Variants in CORO2A observed in about 807,000 individuals in gnomAD.
The protein encoded by CORO2A is coronin-2A.
In CORO2A, 47 loss-of-function variants were observed where a neutral mutation model predicts 62.4. That is an observed-to-expected ratio of 0.75 (90% CI 0.60 to 0.96). CORO2A has a LOEUF of 0.96. Among genes scored for constraint, CORO2A ranks in the 40% least tolerant of loss-of-function variants. The probability of loss-of-function intolerance (pLI) is 0.00; values close to 1 mark genes in which losing one functional copy is unlikely to be tolerated. For missense variants in CORO2A, 610 were observed against 684.1 expected (o/e 0.89, Z 1.21); for synonymous variants, 273 against 268.9 (o/e 1.02, Z -0.15).
rs201111862 is a variant in CORO2A at position 98,128,172 on chromosome 9, C to T, written c.1169G>A (p.Arg390Gln). 40 of 1,612,130 alleles carry T rather than the reference C, an allele frequency of 2.5e-5. No homozygotes were observed. In the East Asian group the frequency reaches 5.1e-4, roughly 21 times the overall value. ...TAQEWLSGMN[R>Q]DPILVSLRPG... The stretch of plus-strand genomic sequence containing the variant: ...GGCCTCTTCTCTGCCTTCCTCACCT[C>T]GATTCATCCCGCTGAGCCACTCCTG... The change falls in exon 10 of 12, where the codon CGA becomes CAA. Residue 390 changes from arginine to glutamine, a missense_variant and splice_region_variant. Coordinates refer to ENST00000375077, the MANE Select transcript of CORO2A (RefSeq NM_052820.4).
chr9:98,153,464 G>C (rs1300035469), intron 2 of CORO2A, among the ~76,000 whole-genome samples: 2 of 151,198 alleles, frequency 1.3e-5, no homozygotes, highest in South Asian at 4.2e-4. Context: ...CTGGAGTGCA[G>C]TGGTGCTTTC....
At chr9:98,192,392 CA>C (rs1200487485) in intron 1 of CORO2A, among the ~76,000 whole-genome samples, 166 bp downstream of exon 1, 3 of 152,234 alleles carry the variant, frequency 2.0e-5, no homozygotes, top group Non-Finnish European at 4.4e-5. Flanking sequence ...TGGAGAGGAG[CA>C]GTGCTTTGTG....
chr9:98,179,624 G>A (rs16913575), intron 1 of CORO2A, among the ~76,000 whole-genome samples: 35,229 of 152,074 alleles, frequency 0.23, 7,244 homozygotes, highest in African/African-American at 0.54. Flanking sequence ...GAGGCAAGCA[G>A]GGAAGGGGAA....
At chr9:98,184,552 T>G (rs1415221735) in intron 1 of CORO2A, among the ~76,000 whole-genome samples, 2 of 152,204 alleles carry the variant, frequency 1.3e-5, no homozygotes, top group Non-Finnish European at 2.9e-5. Context: ...GGTTTCTTCA[T>G]GGCGGCCCCA....
Position 98,163,334 on chromosome 9 carries a change from C to G in CORO2A, c.1-5674G>C, listed in dbSNP as rs185429291. On this transcript the variant is annotated intron_variant, in intron 1 of 11. Coordinates refer to ENST00000375077, the MANE Select transcript of CORO2A (RefSeq NM_052820.4). ...CCTCCAGAGTAGCTGGGATAACAGG[C>G]GCATGCCACTGTGCCCCACTAATTT... is the stretch of plus-strand genomic sequence containing the variant. Among the ~76,000 whole-genome samples, 24 of 152,302 alleles carry G rather than the reference C, an allele frequency of 1.6e-4. 1 individual carries two copies. The East Asian group carries it at 4.6e-3, about 29-fold the overall frequency.
At chr9:98,152,766 A>G (rs1233647089) in intron 2 of CORO2A, among the ~76,000 whole-genome samples, 1 of 152,196 alleles carries the variant, frequency 6.6e-6, no homozygotes, top group Non-Finnish European at 1.5e-5. Context: ...GATTCTAATA[A>G]TGAGGAAACA....
intron 2 of CORO2A, among the ~76,000 whole-genome samples, chr9:98,149,730 G>T (rs1303837408): frequency 6.6e-6 from 1 of 152,156 alleles, no homozygotes; most frequent in Non-Finnish European, 1.5e-5. Flanking sequence ...CAACACTGGG[G>T]ATCACATTTC....
At chr9:98,184,618 G>C (rs910423152) in intron 1 of CORO2A, among the ~76,000 whole-genome samples, 1 of 152,128 alleles carries the variant, frequency 6.6e-6, no homozygotes, top group Non-Finnish European at 1.5e-5. Flanking sequence ...CTACAGGGAC[G>C]TAGTGCTTTG....
intron 1 of CORO2A, among the ~76,000 whole-genome samples, chr9:98,188,901 T>C (rs1360485153): frequency 6.6e-5 from 10 of 152,196 alleles, no homozygotes; most frequent in Non-Finnish European, 1.0e-4. Context: ...ATAAAGCACT[T>C]AGGACAGAAT....
intron 1 of CORO2A, among the ~76,000 whole-genome samples, chr9:98,179,781 G>A (rs1828153424): frequency 6.6e-6 from 1 of 152,052 alleles, no homozygotes; most frequent in Non-Finnish European, 1.5e-5. Context: ...GAGGCAGGTA[G>A]ATCACAAGGT....
chr9:98,131,059 C>T lies in CORO2A; in HGVS notation c.766G>A (p.Asp256Asn). The change falls in exon 7 of 12, where the codon GAT (aspartate) becomes AAT (asparagine). Residue 256 changes from aspartate to asparagine, a missense_variant and splice_region_variant. Transcript: ENST00000375077. ...TCCATCAGAGGCACAGAGAGGTTAT[C>T]CTGCAGGGGAAGGGGAGGCAGGGAA... is the stretch of plus-strand genomic sequence containing the variant. Reference protein sequence around the residue: ...NNRQVALWDQDNLSVPLMEED... With the variant: ...NNRQVALWDQNNLSVPLMEED... 1 of 1,609,102 alleles carries T rather than the reference C, an allele frequency of 6.2e-7. No individual in the cohort carries two copies. The highest frequency in any genetic ancestry group is 8.5e-7 in the Non-Finnish European group (1 of 1,177,496).
At chr9:98,191,284 A>C (rs555298559) in intron 1 of CORO2A, among the ~76,000 whole-genome samples, 1 of 152,224 alleles carries the variant, frequency 6.6e-6, no homozygotes, top group African/African-American at 2.4e-5. Context: ...AGCTGGGGAG[A>C]CACATTCCAG....
At chr9:98,151,637 C>T (rs555148089) in intron 2 of CORO2A, among the ~76,000 whole-genome samples, 2 of 151,972 alleles carry the variant, frequency 1.3e-5, no homozygotes, top group Non-Finnish European at 2.9e-5. Flanking sequence ...CTTCCTTTTC[C>T]ATCCTAACAC....
intron 5 of CORO2A, 39 bp from the exon 6 acceptor site, chr9:98,132,340 G>A: frequency 6.4e-7 from 1 of 1,555,446 alleles, no homozygotes; most frequent in Non-Finnish European, 8.9e-7. Flanking sequence ...AGAGACAGTA[G>A]AGGATCGGGG....
At chr9:98,158,852 C>T (rs528428755) in intron 1 of CORO2A, among the ~76,000 whole-genome samples, 1 of 152,062 alleles carries the variant, frequency 6.6e-6, no homozygotes, top group South Asian at 2.1e-4. Flanking sequence ...CACACACACA[C>T]ACACACACCA....
intron 1 of CORO2A, among the ~76,000 whole-genome samples, chr9:98,185,165 C>T (rs1828223161): frequency 6.6e-6 from 1 of 152,152 alleles, no homozygotes; most frequent in African/African-American, 2.4e-5. Context: ...TTCCATGACC[C>T]CCCACTTCCA....
At chr9:98,159,983 G>C (rs1827861855) in intron 1 of CORO2A, among the ~76,000 whole-genome samples, 1 of 152,166 alleles carries the variant, frequency 6.6e-6, no homozygotes, top group Non-Finnish European at 1.5e-5. Flanking sequence ...CTCAGAACGA[G>C]ATTACACTGT....
intron 1 of CORO2A, among the ~76,000 whole-genome samples, chr9:98,170,900 C>T (rs769983588): frequency 3.3e-5 from 5 of 152,212 alleles, no homozygotes; most frequent in African/African-American, 4.8e-5. Flanking sequence ...ACACACCAGA[C>T]ACACACAGGA....
At chr9:98,156,049 ATTTTT>A (rs56931336) in intron 2 of CORO2A, among the ~76,000 whole-genome samples, 1 of 119,058 alleles carries the variant, frequency 8.4e-6, no homozygotes, top group Non-Finnish European at 1.7e-5. Flanking sequence ...CTTTGTTTGA[ATTTTT>A]TTTTTTTTTT....
Sources: gnomAD v4.1 joint callset for allele counts (sites outside exome capture counted in the v4.1 genomes callset) on GRCh38, gnomAD v4.1.1 for gene constraint, MANE v1.5 for transcripts, NCBI Gene and HGNC (gene_info 2026-07-23, HGNC 2026-07-21) for gene names.